The following POC1A variants were observed in gnomAD, a reference collection of about 807,000 sequenced individuals.
POC1A encodes POC1 centriolar protein A.
In POC1A, 34 loss-of-function variants were observed where a neutral mutation model predicts 47.8. The ratio of observed to expected loss-of-function variants is 0.71; its 90% CI spans 0.54 to 0.95. The LOEUF is 0.95. POC1A is among the 40% of genes least tolerant of loss of function. POC1A has a pLI of 0.00. For synonymous variants in POC1A, 177 were observed against 207.6 expected (o/e 0.85, Z 1.27); for missense variants, 466 against 528.3 (o/e 0.88, Z 1.16).
intron 9 of POC1A, among the ~76,000 whole-genome samples, chr3:52,109,406 T>C (rs1228441732): frequency 6.6e-6 from 1 of 152,150 alleles, no homozygotes; most frequent in Non-Finnish European, 1.5e-5. Flanking sequence ...ATGGGGTTTG[T>C]TACATTATTC....
At chr3:52,108,741 A>G (rs1703273463) in intron 9 of POC1A, among the ~76,000 whole-genome samples, 1 of 152,126 alleles carries the variant, frequency 6.6e-6, no homozygotes, top group African/African-American at 2.4e-5. Context: ...CAGCAGCCCC[A>G]CGATTCCCAG....
At position 52,096,482 on chromosome 3, in the gene POC1A, C is replaced by T. The variant is rs138115503; in HGVS notation, c.1125+87G>A. 586 of 1,139,608 alleles carry T rather than the reference C, an allele frequency of 5.1e-4. No individual in the cohort carries two copies. In the African/African-American group the frequency reaches 7.0e-3, roughly 14 times the overall value. The allele number at this position is 1,139,608 out of a possible 1,614,324, so 70.6% of individuals were successfully genotyped here. A position where few individuals can be genotyped will look rare whatever the true frequency, so the allele number is the denominator to read the frequency against. On this transcript the variant is annotated intron_variant, in intron 10 of 10. Coordinates refer to ENST00000296484, the MANE Select transcript of POC1A (RefSeq NM_015426.5). ...CGTTATAATTATGTTTTTAAAAATC[C>T]AGCACCTGTTGTCCAACTTCAAACG...
chr3:52,149,434 C>A (rs758582887), intron 3 of POC1A, 45 bp from the exon 4 acceptor site: 2 of 1,570,908 alleles, frequency 1.3e-6, no homozygotes, highest in South Asian at 2.2e-5. Flanking sequence ...ATAACAGTGA[C>A]ATGAGAGCCC....
chr3:52,119,028 A>C, intron 9 of POC1A, among the ~76,000 whole-genome samples: 1 of 149,990 alleles, frequency 6.7e-6, no homozygotes, highest in African/African-American at 2.5e-5. Flanking sequence ...GTTGTTTACC[A>C]TCACCTCCAG....
chr3:52,118,429 A>G (rs980681218), intron 9 of POC1A, among the ~76,000 whole-genome samples: 8 of 152,222 alleles, frequency 5.3e-5, no homozygotes, highest in Admixed American at 1.3e-4. Context: ...GTGAATTTCA[A>G]CCAGAGGTTG....
At chr3:52,104,485 C>T (rs566283779) in intron 9 of POC1A, among the ~76,000 whole-genome samples, 16 of 152,208 alleles carry the variant, frequency 1.1e-4, no homozygotes, top group Non-Finnish European at 1.6e-4. Context: ...ATTATAAAGC[C>T]GGACTGAAAA....
chr3:52,106,144 G>T (rs1202050651), intron 9 of POC1A, among the ~76,000 whole-genome samples: 1 of 141,300 alleles, frequency 7.1e-6, no homozygotes, highest in Non-Finnish European at 1.5e-5. Flanking sequence ...GCAGTGAGCC[G>T]AGATCGCGCC....
rs2107205319 is a variant in POC1A at position 52,149,455 on chromosome 3, C to G, written c.276-66G>C. ...GTGACATGAGAGCCCACAAGCACATCAAAGCTCTCCTACTCCTCAAGCACC... is the reference window on the plus strand; with the variant it reads ...GTGACATGAGAGCCCACAAGCACATGAAAGCTCTCCTACTCCTCAAGCACC... On this transcript the variant is annotated intron_variant, in intron 3 of 10. Transcript: ENST00000296484. 4 of 1,455,038 alleles carry G rather than the reference C, an allele frequency of 2.7e-6. No homozygotes were observed. In the South Asian group the frequency reaches 4.7e-5, roughly 17 times the overall value. 90.1% of individuals were successfully genotyped at this position (1,455,038 alleles called of 1,614,324 possible).
intron 9 of POC1A, among the ~76,000 whole-genome samples, chr3:52,102,061 T>C (rs1703023710): frequency 6.6e-6 from 1 of 152,246 alleles, no homozygotes; most frequent in South Asian, 2.1e-4. Context: ...TCTTAATCCT[T>C]GGTTTTCAGA....
chr3:52,122,409 T>C lies in POC1A; in HGVS notation c.951A>G (p.Pro317=). 6.2e-7 allele frequency: 1 copy of C among 1,611,966 alleles called. No homozygotes were observed. Among genetic ancestry groups the C allele is most frequent in the Non-Finnish European group, 8.5e-7 (1 of 1,178,018 alleles). The change falls in exon 9 of 11, where the codon CCA becomes CCG. Residue 317 remains proline (P), a synonymous_variant. Transcript: ENST00000296484. The part of the protein sequence containing the change: ...HGEVTKVPRP[P]ATLASSMGNL... ...TCCCCATGGAGCTGGCCAGTGTGGC[T>C]GGGGGCCTCGGCACTTTCGTGACTT...
intron 10 of POC1A, among the ~76,000 whole-genome samples, chr3:52,093,464 C>A (rs1182466635): frequency 6.6e-6 from 1 of 152,198 alleles, no homozygotes; most frequent in Non-Finnish European, 1.5e-5. Context: ...ATCCCCCTGG[C>A]CCCCAAGCCT....
chr3:52,149,075 G>A (rs1698464519), intron 4 of POC1A, 135 bp downstream of exon 4: 1 of 667,954 alleles, frequency 1.5e-6, no homozygotes, highest in Non-Finnish European at 2.6e-6. Context: ...TTACAGATAA[G>A]GAAACCGAGG....
chr3:52,113,081 T>C (rs1257889927), intron 9 of POC1A, among the ~76,000 whole-genome samples: 1 of 152,222 alleles, frequency 6.6e-6, no homozygotes, highest in African/African-American at 2.4e-5. Flanking sequence ...ATGATAACTG[T>C]CAAATGTTAA....
intron 10 of POC1A, among the ~76,000 whole-genome samples, chr3:52,089,615 A>C (rs1702579179): frequency 6.6e-6 from 1 of 152,140 alleles, no homozygotes; most frequent in African/African-American, 2.4e-5. Flanking sequence ...CACCACCCTT[A>C]TGGCCCTGTC....
At chr3:52,100,650 C>T (rs542601226) in intron 9 of POC1A, among the ~76,000 whole-genome samples, 77 of 152,104 alleles carry the variant, frequency 5.1e-4, no homozygotes, top group Non-Finnish European at 9.1e-4. Context: ...GGAGACCAAG[C>T]GCAGACTAGG....
intron 7 of POC1A, among the ~76,000 whole-genome samples, chr3:52,131,876 AG>A (rs1412031696): frequency 6.6e-6 from 1 of 152,162 alleles, no homozygotes; most frequent in East Asian, 1.9e-4. Context: ...CCTGGGGCAG[AG>A]GCCACAGCCC....
chr3:52,106,290 A>C (rs915235594), intron 9 of POC1A, among the ~76,000 whole-genome samples: 5 of 151,950 alleles, frequency 3.3e-5, no homozygotes, highest in East Asian at 3.9e-4. Flanking sequence ...TACAGATCAC[A>C]GTCAGGCCTC....
At chr3:52,093,059 C>G (rs1702697522) in intron 10 of POC1A, among the ~76,000 whole-genome samples, 1 of 152,230 alleles carries the variant, frequency 6.6e-6, no homozygotes, top group African/African-American at 2.4e-5. Flanking sequence ...CACTCTACCC[C>G]AGACCCTCAG....
chr3:52,140,730 C>T (rs1353387142), intron 6 of POC1A, among the ~76,000 whole-genome samples: 2 of 152,230 alleles, frequency 1.3e-5, no homozygotes, highest in Admixed American at 6.5e-5. Context: ...CCCACCCCAC[C>T]TTTCCCCACT....
Sources: allele counts gnomAD v4.1 joint callset (sites outside exome capture counted in the v4.1 genomes callset), GRCh38; gene constraint gnomAD v4.1.1; transcripts MANE v1.5; gene names NCBI Gene and HGNC (gene_info 2026-07-23, HGNC 2026-07-21).